Variants in NR6A1 observed in about 807,000 individuals in gnomAD.
NR6A1 encodes the protein retinoic acid receptor-related testis-associated receptor.
NR6A1 carries 7 observed loss-of-function variants against 59.1 expected under a neutral mutation model. The observed-to-expected ratio is 0.12, with a 90% CI of 0.07 to 0.22. The LOEUF (loss-of-function observed/expected upper bound fraction) is 0.22, where lower values mean the gene tolerates loss of function less well. Among genes scored for constraint, NR6A1 ranks in the 10% least tolerant of loss-of-function variants. The pLI is 1.00. For synonymous variants in NR6A1, 243 were observed against 236.1 expected (o/e 1.03, Z -0.27); for missense variants, 468 against 611.6 (o/e 0.77, Z 2.48).
At chr9:124,701,675 T>C (rs1462369736) in intron 2 of NR6A1, among the ~76,000 whole-genome samples, 2 of 152,250 alleles carry the variant, frequency 1.3e-5, no homozygotes, top group Non-Finnish European at 2.9e-5. Flanking sequence ...GTTGTCTTCT[T>C]ATTGAGTTGT....
chr9:124,619,418 C>T (rs1419273595), intron 2 of NR6A1, among the ~76,000 whole-genome samples: 1 of 152,138 alleles, frequency 6.6e-6, no homozygotes, highest in Non-Finnish European at 1.5e-5. Context: ...CGCCTGCCAC[C>T]ACACCTGACT....
intron 2 of NR6A1, among the ~76,000 whole-genome samples, chr9:124,710,802 A>C (rs1474155693): frequency 6.6e-6 from 1 of 152,232 alleles, no homozygotes; most frequent in African/African-American, 2.4e-5. Context: ...ACGTAAGATC[A>C]GCTGGAAATC....
chr9:124,637,348 T>A (rs576023950), intron 2 of NR6A1, among the ~76,000 whole-genome samples: 1 of 152,210 alleles, frequency 6.6e-6, no homozygotes, highest in East Asian at 1.9e-4. Flanking sequence ...AGGTCTTATA[T>A]ACCAGGCTAA....
intron 7 of NR6A1, among the ~76,000 whole-genome samples, chr9:124,532,581 T>C (rs140311546): frequency 5.3e-5 from 8 of 152,278 alleles, no homozygotes; most frequent in African/African-American, 1.7e-4. Context: ...ACTCAGTAAA[T>C]GGCCATGGAA....
Position 124,771,275 on chromosome 9 carries a change from C to G in NR6A1, c.-156G>C, listed in dbSNP as rs568742373. On this transcript the variant is annotated 5_prime_UTR_variant, in exon 1 of 10. Coordinates refer to ENST00000487099, the MANE Select transcript of NR6A1 (RefSeq NM_033334.4). ...GGCCCCGAGCCGCCCGGCTCCGCGC[C>G]GCTCCGCGCCCCTCCGCGCCGCGCC... 1.2e-5 allele frequency: 5 copies of G among 401,154 alleles called. No individual in the cohort carries two copies. Among genetic ancestry groups the G allele is most frequent in the Non-Finnish European group, 2.2e-5 (5 of 230,958 alleles). 24.8% of individuals were successfully genotyped at this position (401,154 alleles called of 1,614,324 possible).
intron 7 of NR6A1, among the ~76,000 whole-genome samples, chr9:124,528,500 C>T (rs553225137): frequency 8.5e-5 from 13 of 152,098 alleles, no homozygotes; most frequent in African/African-American, 2.4e-4. Flanking sequence ...CAGGAGTTCA[C>T]GACCAGCCTG....
intron 3 of NR6A1, among the ~76,000 whole-genome samples, chr9:124,553,809 C>T (rs948359423): frequency 2.6e-5 from 4 of 151,876 alleles, no homozygotes; most frequent in Non-Finnish European, 5.9e-5. Flanking sequence ...TCCAAAACAG[C>T]CCTTCATATT....
chr9:124,744,212 G>A (rs899086015), intron 1 of NR6A1, among the ~76,000 whole-genome samples: 5 of 152,134 alleles, frequency 3.3e-5, no homozygotes, highest in Non-Finnish European at 7.3e-5. Flanking sequence ...TCCAGCCTGA[G>A]TGACAGAGCA....
chr9:124,689,190 A>T (rs1838442872), intron 2 of NR6A1, among the ~76,000 whole-genome samples: 1 of 152,212 alleles, frequency 6.6e-6, no homozygotes, highest in Admixed American at 6.5e-5. Flanking sequence ...AATAGTTGTA[A>T]ATTATCTTAA....
chr9:124,752,489 T>G (rs1840532318), intron 1 of NR6A1, among the ~76,000 whole-genome samples: 1 of 152,180 alleles, frequency 6.6e-6, no homozygotes, highest in African/African-American at 2.4e-5. Context: ...AACATAATTA[T>G]TAATATAAAT....
rs183576951 is a variant in NR6A1 at position 124,717,718 on chromosome 9, C to A, written c.142+15590G>T. Among the ~76,000 whole-genome samples the A allele has an allele frequency of 1.7e-3, 265 of 152,262 alleles. 1 individual carries two copies. Among genetic ancestry groups the A allele is most frequent in the African/African-American group, 6.1e-3 (253 of 41,540 alleles). On this transcript the variant is annotated intron_variant, in intron 2 of 9. Transcript: ENST00000487099. ...TGCGTTTCATTGCATGTAAGTCACG[C>A]CTCAATTTTAAAAAGATAAGGACAT...
At chr9:124,732,397 A>C (rs1193244374) in intron 2 of NR6A1, among the ~76,000 whole-genome samples, 1 of 152,204 alleles carries the variant, frequency 6.6e-6, no homozygotes, top group Non-Finnish European at 1.5e-5. Context: ...AACCATTATG[A>C]CTATGTGTCC....
chr9:124,769,695 C>G (rs1229571149), intron 1 of NR6A1, among the ~76,000 whole-genome samples: 1 of 152,206 alleles, frequency 6.6e-6, no homozygotes, highest in Non-Finnish European at 1.5e-5. Context: ...GCACTGATCT[C>G]TGAGAGCCTC....
At chr9:124,744,100 C>T (rs182864967) in intron 1 of NR6A1, among the ~76,000 whole-genome samples, 90 of 152,184 alleles carry the variant, frequency 5.9e-4, no homozygotes, top group African/African-American at 1.8e-3. Flanking sequence ...ATTAGCTGGG[C>T]GTGGTGGCAT....
At chr9:124,654,829 G>A (rs1034358635) in intron 2 of NR6A1, among the ~76,000 whole-genome samples, 2 of 147,772 alleles carry the variant, frequency 1.4e-5, no homozygotes, top group African/African-American at 5.0e-5. Context: ...TTTTGTTCCT[G>A]ATACCTAGAT....
chr9:124,755,174 G>GACTAAA (rs1554753225), intron 1 of NR6A1, among the ~76,000 whole-genome samples: 2 of 152,166 alleles, frequency 1.3e-5, no homozygotes, highest in Non-Finnish European at 2.9e-5. Flanking sequence ...TCACATTACC[G>GACTAAA]TGGAAATATT....
intron 2 of NR6A1, among the ~76,000 whole-genome samples, chr9:124,577,793 A>C (rs1834643956): frequency 6.6e-6 from 1 of 152,204 alleles, no homozygotes; most frequent in South Asian, 2.1e-4. Context: ...GATCATCATC[A>C]GTGTTTAAGG....
At chr9:124,720,264 T>A (rs760796780) in intron 2 of NR6A1, among the ~76,000 whole-genome samples, 48 of 152,222 alleles carry the variant, frequency 3.2e-4, no homozygotes, top group South Asian at 8.3e-4. Flanking sequence ...TTGGCCAGGC[T>A]GGTCTCGAAC....
chr9:124,643,924 C>T (rs1169397616), intron 2 of NR6A1, among the ~76,000 whole-genome samples: 3 of 151,880 alleles, frequency 2.0e-5, no homozygotes, highest in Non-Finnish European at 4.4e-5. Flanking sequence ...TTTTTTGAGA[C>T]GGAGTCTCAC....
Sources: allele counts gnomAD v4.1 joint callset (sites outside exome capture counted in the v4.1 genomes callset), GRCh38; gene constraint gnomAD v4.1.1; transcripts MANE v1.5; gene names NCBI Gene and HGNC (gene_info 2026-07-23, HGNC 2026-07-21).